MACF1: variants seen among roughly 807,000 people sequenced by gnomAD.
The protein encoded by MACF1 is microtubule-actin cross-linking factor 1.
A neutral mutation model predicts 854.8 loss-of-function variants in MACF1; 193 were observed. That is an observed-to-expected ratio of 0.23 (90% CI 0.20 to 0.25). The LOEUF (loss-of-function observed/expected upper bound fraction) is 0.25. Ranked by LOEUF, MACF1 falls within the 10% of genes least tolerant of loss-of-function variation. The pLI, the probability that MACF1 is intolerant of heterozygous loss-of-function variation, is 1.00. For missense variants in MACF1, 7,722 were observed against 8,929.1 expected (o/e 0.86, Z 5.45); for synonymous variants, 3,185 against 3,226.7 (o/e 0.99, Z 0.44).
intron 2 of MACF1, among the ~76,000 whole-genome samples, chr1:39,163,864 T>C (rs1643855369): frequency 6.6e-6 from 1 of 152,164 alleles, no homozygotes. Context: ...TGATGTTAAA[T>C]GATGGACTAC....
In MACF1 at chr1:39,424,109, G is replaced by C. The variant is rs529463765; in HGVS notation, c.16231G>C (p.Glu5411Gln). The stretch of plus-strand genomic sequence containing the variant: ...AGGAGGCAGAATAGCCCAGTCAGCA[G>C]AGCTGGCTGATAGAGAGAAAATCAC... ...AEGGRIAQSA[E>Q]LADREKITGQ... The change falls in exon 61 of 101, where the codon GAG becomes CAG. Residue 5411 changes from glutamate (E) to glutamine (Q), a missense_variant. Glu to Gln is a conservative substitution (Grantham distance 29). Coordinates refer to ENST00000564288, the MANE Select transcript of MACF1 (RefSeq NM_001394062.1). 6.2e-7 allele frequency: 1 copy of C among 1,612,714 alleles called. No homozygotes were observed. Among genetic ancestry groups the C allele is most frequent in the East Asian group, 2.2e-5 (1 of 44,810 alleles).
At position 39,254,475 on chromosome 1, in the gene MACF1, G is replaced by A. The variant is rs900285488; in HGVS notation, c.435+100G>A. 3 of 1,030,998 alleles carry A rather than the reference G, an allele frequency of 2.9e-6. No homozygotes were observed. In the African/African-American group the frequency reaches 4.7e-5, roughly 16 times the overall value. 63.9% of individuals were successfully genotyped at this position (1,030,998 alleles called of 1,614,324 possible). ...TGCCCCTAGTAAGCTCTCAGTAAAT[G>A]CTAAATCTGATTGACCCAGTTCTGA... On this transcript the variant is annotated intron_variant, in intron 5 of 100. Coordinates refer to ENST00000564288, the MANE Select transcript of MACF1 (RefSeq NM_001394062.1).
chr1:39,223,271 A>G (rs965984751), intron 1 of MACF1, among the ~76,000 whole-genome samples: 4 of 152,214 alleles, frequency 2.6e-5, no homozygotes, highest in African/African-American at 9.6e-5. Context: ...TAGGCATTCC[A>G]TCATAATGGA....
Position 39,452,224 on chromosome 1 carries a change from G to A in MACF1, c.20487G>A (p.Leu6829=). ...TCCTGAAGCGGTCAGGCCGAGAGCT[G>A]ATTGAGAATAGTCGAGATGACACCA... ...VQVLKRSGRE[L]IENSRDDTTW... The change falls in exon 86 of 101, where the codon CTG becomes CTA. Residue 6829 remains leucine (L), a synonymous_variant. Transcript: ENST00000564288. 1.9e-6 allele frequency: 3 copies of A among 1,614,218 alleles called. No homozygotes were observed. Among genetic ancestry groups the A allele is most frequent in the Non-Finnish European group, 2.5e-6 (3 of 1,180,030 alleles).
chr1:39,268,892 G>A (rs1392771580), intron 6 of MACF1: 2 of 1,288,980 alleles, frequency 1.6e-6, no homozygotes, highest in African/African-American at 1.5e-5. Context: ...AAACCCTAAC[G>A]AAGTTAACAG....
chr1:39,243,377 A>G (rs148550309), intron 2 of MACF1, among the ~76,000 whole-genome samples: 262 of 152,314 alleles, frequency 1.7e-3, no homozygotes, highest in African/African-American at 6.1e-3. Flanking sequence ...ATTCCTGAAC[A>G]GTCTTGCTTC....
At position 39,283,486 on chromosome 1, in the gene MACF1, C is replaced by T; in HGVS notation, c.886C>T (p.Pro296Ser). ...GATTTATGATGCCTTCCCTAAAGTTCCTGAGGGTGGAGAAGGGATCAGTGC... is the reference window on the plus strand; with the variant it reads ...GATTTATGATGCCTTCCCTAAAGTTTCTGAGGGTGGAGAAGGGATCAGTGC... ...SSIYDAFPKV[P>S]EGGEGISATE... Residue 296 changes from proline (P) to serine (S), a missense_variant, in exon 9 of 101, where the codon CCT (proline) becomes TCT (serine). By Grantham distance (74) the Pro-to-Ser change is moderately conservative (BLOSUM62 -1). Coordinates refer to ENST00000564288, the MANE Select transcript of MACF1 (RefSeq NM_001394062.1). The surrounding 1 kb of genome is among the most constrained non-coding windows in gnomAD (Gnocchi z 4.5). 3.7e-6 allele frequency: 6 copies of T among 1,610,748 alleles called. No individual in the cohort carries two copies. The highest frequency in any genetic ancestry group is 5.1e-6 in the Non-Finnish European group (6 of 1,176,950).
rs544277442 is a variant in MACF1 at position 39,141,705 on chromosome 1, TAAATC to T, written c.220+57268_220+57272del. On this transcript the variant is annotated intron_variant, in intron 2 of 93. Transcript: ENST00000361689. The stretch of plus-strand genomic sequence containing the variant: ...GATTTTAGAGTCTAGTTATTAGACT[TAAATC>T]TAATAATTTTAAAAAGTACAAATTC... 2.7e-4 allele frequency among the ~76,000 whole-genome samples: 41 copies of T among 152,312 alleles called. 1 individual carries two copies. In the East Asian group the frequency reaches 7.5e-3, roughly 28 times the overall value.
At chr1:39,123,076 G>A (rs1642758543) in intron 2 of MACF1, among the ~76,000 whole-genome samples, 1 of 152,112 alleles carries the variant, frequency 6.6e-6, no homozygotes. Flanking sequence ...TGAGATCAAG[G>A]ATGGAGGTGG....
chr1:39,471,962 A>G (rs1021645709), intron 97 of MACF1, among the ~76,000 whole-genome samples: 7 of 152,202 alleles, frequency 4.6e-5, no homozygotes, highest in African/African-American at 1.4e-4. Context: ...CTGAAACTCT[A>G]TACCCATTAA....
chr1:39,239,933 T>C (rs758360312), intron 2 of MACF1, among the ~76,000 whole-genome samples: 5 of 152,230 alleles, frequency 3.3e-5, no homozygotes, highest in Non-Finnish European at 4.4e-5. Flanking sequence ...TTTCTGTCTT[T>C]CTGTTTTAAG....
chr1:39,448,282 G>A, intron 83 of MACF1, 130 bp downstream of exon 83: 2 of 1,058,524 alleles, frequency 1.9e-6, no homozygotes, highest in Non-Finnish European at 2.7e-6. Context: ...AAATGATGAA[G>A]CCAGGGTTCC....
chr1:39,355,363 C>T (rs1647449524), intron 44 of MACF1, among the ~76,000 whole-genome samples: 1 of 151,918 alleles, frequency 6.6e-6, no homozygotes, highest in South Asian at 2.1e-4. Flanking sequence ...ATGAAGGACA[C>T]CTAGGTGATA....
intron 2 of MACF1, among the ~76,000 whole-genome samples, chr1:39,232,913 G>A (rs1427843002): frequency 6.6e-6 from 1 of 152,016 alleles, no homozygotes; most frequent in African/African-American, 2.4e-5. Context: ...CTCCTGAGTA[G>A]CTGGAACTAC....
At chr1:39,462,162 C>A in intron 93 of MACF1, 125 bp downstream of exon 93, 3 of 910,382 alleles carry the variant, frequency 3.3e-6, no homozygotes, top group Non-Finnish European at 5.0e-6. Flanking sequence ...ATTTGGAGTT[C>A]TATTTTGAGA....
intron 51 of MACF1, among the ~76,000 whole-genome samples, chr1:39,372,118 C>CA (rs35362635): frequency 5.5e-4 from 84 of 152,270 alleles, no homozygotes; most frequent in African/African-American, 1.9e-3. Context: ...CATGCCCAGC[C>CA]ATTATCTTAA....
rs1365190020 is a variant in MACF1 at position 39,331,208 on chromosome 1, C to G, written c.4620C>G (p.Cys1540Trp). The change falls in exon 37 of 101, where the codon TGC becomes TGG. Residue 1540 changes from cysteine to tryptophan, a missense_variant. Transcript: ENST00000564288. ...TTTTTTTTTTTTTTTTTTAGGAATG[C>G]AGAGCAGTTGCTGGGGTGATTGACC... ...QLAHQTEQKECRAVAGVIDLG... is the reference protein window; with the variant it reads ...QLAHQTEQKEWRAVAGVIDLG... The G allele has an allele frequency of 2.5e-6, 3 of 1,178,156 alleles. No individual in the cohort carries two copies. The highest frequency in any genetic ancestry group is 1.4e-5 in the South Asian group (1 of 69,602). The allele number at this position is 1,178,156 out of a possible 1,614,324, so 73.0% of individuals were successfully genotyped here. A position where few individuals can be genotyped will look rare whatever the true frequency, so the allele number is the denominator to read the frequency against.
intron 2 of MACF1, among the ~76,000 whole-genome samples, chr1:39,131,496 G>T (rs1643005302): frequency 6.6e-6 from 1 of 152,038 alleles, no homozygotes; most frequent in South Asian, 2.1e-4. Flanking sequence ...TTTGATGTCA[G>T]ATCCCTCTGA....
chr1:39,424,795 G>A (rs1643671152), intron 61 of MACF1, among the ~76,000 whole-genome samples: 2 of 152,170 alleles, frequency 1.3e-5, no homozygotes. Flanking sequence ...TCACATAGAT[G>A]TCTTTACTTT....
Sources: gnomAD v4.1 joint callset for allele counts (sites outside exome capture counted in the v4.1 genomes callset) on GRCh38, gnomAD v4.1.1 for gene constraint, Gnocchi (gnomAD v3.1) non-coding constraint, MANE v1.5 for transcripts, NCBI Gene and HGNC (gene_info 2026-07-23, HGNC 2026-07-21) for gene names.